The following MEI4 variants were observed in gnomAD, a reference collection of about 807,000 sequenced individuals.
The protein encoded by MEI4 is meiosis-specific protein MEI4.
In MEI4, 27 loss-of-function variants were observed where a neutral mutation model predicts 31.4. The ratio of observed to expected loss-of-function variants is 0.86; its 90% confidence interval spans 0.63 to 1.19. MEI4 has a LOEUF of 1.19. MEI4 is among the 50% of genes most tolerant of loss of function. The pLI is 0.00. For missense variants in MEI4, 329 were observed against 398.9 expected (o/e 0.82, Z 1.49); for synonymous variants, 122 against 145.4 (o/e 0.84, Z 1.16).
rs140789178 is a variant in MEI4, at chr6:77,797,973, C to T, written c.769-30958C>T. Among the ~76,000 whole-genome samples the T allele has an allele frequency of 3.3e-3, 509 of 152,182 alleles. 2 individuals carry two copies. The highest frequency in any genetic ancestry group is 0.012 in the African/African-American group (496 of 41,520). ...TAGTAAAGTAAGAGTCTCACACACACAAGCCTATGTATGTTCGAATGACTA... is the reference window on the plus strand; with the variant it reads ...TAGTAAAGTAAGAGTCTCACACACATAAGCCTATGTATGTTCGAATGACTA... On this transcript the variant is annotated intron_variant, in intron 3 of 4. Transcript: ENST00000684080.
chr6:77,712,687 G>T (rs1252118912), intron 2 of MEI4, among the ~76,000 whole-genome samples: 1 of 152,088 alleles, frequency 6.6e-6, no homozygotes, highest in Non-Finnish European at 1.5e-5. Flanking sequence ...AACAACAAAA[G>T]GAGGCCGGGT....
chr6:77,788,939 T>C (rs1294822190), intron 3 of MEI4, among the ~76,000 whole-genome samples: 2 of 152,140 alleles, frequency 1.3e-5, no homozygotes, highest in Non-Finnish European at 2.9e-5. Flanking sequence ...AGAGCCCCTA[T>C]TGCCAAGTAA....
chr6:77,780,822 T>A (rs911318107), intron 3 of MEI4, among the ~76,000 whole-genome samples: 2 of 152,126 alleles, frequency 1.3e-5, no homozygotes, highest in African/African-American at 2.4e-5. Context: ...TCTCTTCTGT[T>A]AAAAGTGTAT....
At chr6:77,901,051 T>C (rs946265899) in intron 4 of MEI4, among the ~76,000 whole-genome samples, 5 of 151,988 alleles carry the variant, frequency 3.3e-5, no homozygotes, top group Non-Finnish European at 7.4e-5. Flanking sequence ...TTTCTTTTCT[T>C]TTTTAAGGCT....
At chr6:77,748,666 A>G (rs1302653125) in intron 2 of MEI4, among the ~76,000 whole-genome samples, 1 of 152,148 alleles carries the variant, frequency 6.6e-6, no homozygotes, top group Non-Finnish European at 1.5e-5. Context: ...ATTTATGTAA[A>G]TTTCTGCAGC....
chr6:77,683,807 A>G (rs1477759976), intron 1 of MEI4, among the ~76,000 whole-genome samples: 1 of 152,166 alleles, frequency 6.6e-6, no homozygotes, highest in Non-Finnish European at 1.5e-5. Flanking sequence ...GGTTGATTTC[A>G]TATCTTTTCT....
chr6:77,777,167 A>G (rs1321766984), intron 3 of MEI4, among the ~76,000 whole-genome samples: 1 of 152,180 alleles, frequency 6.6e-6, no homozygotes, highest in Non-Finnish European at 1.5e-5. Flanking sequence ...ACATATGGAG[A>G]ACATGAGACT....
In MEI4 at chr6:77,882,490, G is replaced by C. The variant is rs555704275; in HGVS notation, c.901-40599G>C. 4.6e-5 allele frequency among the ~76,000 whole-genome samples: 7 copies of C among 152,298 alleles called. No homozygotes were observed. In the South Asian group the frequency reaches 1.0e-3, roughly 23 times the overall value. The stretch of plus-strand genomic sequence containing the variant: ...GCCCAGAAAGTTTAATGTTGGAGTT[G>C]CATGGTTTTTTTCTATCTTACCCTT... On this transcript the variant is annotated intron_variant, in intron 4 of 4. Coordinates refer to ENST00000684080, the MANE Select transcript of MEI4 (RefSeq NM_001322247.2).
At chr6:77,698,571 T>C (rs1411676919) in intron 2 of MEI4, among the ~76,000 whole-genome samples, 2 of 152,190 alleles carry the variant, frequency 1.3e-5, no homozygotes, top group African/African-American at 2.4e-5. Context: ...AAAATTCTTT[T>C]CTTTAAGAAT....
chr6:77,856,175 G>A (rs569328560), intron 4 of MEI4, among the ~76,000 whole-genome samples: 11 of 152,268 alleles, frequency 7.2e-5, no homozygotes, highest in Middle Eastern at 3.4e-3. Flanking sequence ...TTTGCACAGT[G>A]AACAAGCTCT....
intron 4 of MEI4, among the ~76,000 whole-genome samples, chr6:77,916,523 G>C (rs1189260358): frequency 6.6e-6 from 1 of 151,974 alleles, no homozygotes; most frequent in African/African-American, 2.4e-5. Context: ...GTCTTCTTAT[G>C]ATTTCCTCAG....
chr6:77,741,086 C>G (rs1328165351), intron 2 of MEI4, among the ~76,000 whole-genome samples: 1 of 152,058 alleles, frequency 6.6e-6, no homozygotes, highest in Non-Finnish European at 1.5e-5. Flanking sequence ...TTTGAAGAAT[C>G]AGTACACATC....
intron 1 of MEI4, among the ~76,000 whole-genome samples, chr6:77,658,281 A>T (rs539415968): frequency 5.6e-4 from 86 of 152,272 alleles, no homozygotes; most frequent in Non-Finnish European, 1.1e-3. Flanking sequence ...GAGATTACAA[A>T]GTACATTGAT....
intron 3 of MEI4, among the ~76,000 whole-genome samples, chr6:77,802,549 A>T (rs532759346): frequency 6.6e-6 from 1 of 152,096 alleles, no homozygotes; most frequent in Non-Finnish European, 1.5e-5. Flanking sequence ...TTAGTTGATG[A>T]AGTTTCTTCC....
rs1766655845 is a variant in MEI4, at chr6:77,719,141, T to A, written c.232+28238T>A. Among the ~76,000 whole-genome samples, 2 of 142,444 alleles carry A rather than the reference T, an allele frequency of 1.4e-5. 1 individual carries two copies. 93.4% of individuals were successfully genotyped at this position (142,444 alleles called of 152,430 possible). A position where few individuals can be genotyped will look rare whatever the true frequency, so the allele number is the denominator to read the frequency against. On this transcript the variant is annotated intron_variant, in intron 2 of 4. Transcript: ENST00000684080. ...CGACTGAGTTTGTCCTGAGCAATTG[T>A]GGTAGAATTGACCTTGAGGTGTCCA...
chr6:77,708,414 C>G (rs1163406707), intron 2 of MEI4, among the ~76,000 whole-genome samples: 1 of 152,174 alleles, frequency 6.6e-6, no homozygotes, highest in Non-Finnish European at 1.5e-5. Flanking sequence ...ATTTTACAGG[C>G]TCATAGGTAG....
At chr6:77,736,101 G>T (rs189472318) in intron 2 of MEI4, among the ~76,000 whole-genome samples, 43 of 152,190 alleles carry the variant, frequency 2.8e-4, no homozygotes, top group African/African-American at 9.6e-4. Context: ...TCTGTGCCCT[G>T]CCCCCAGAGG....
At position 77,843,826 on chromosome 6, in the gene MEI4, T is replaced by C. The variant is rs1237696076; in HGVS notation, c.900+14764T>C. Among the ~76,000 whole-genome samples the C allele has an allele frequency of 2.6e-5, 4 of 152,130 alleles. No homozygotes were observed. In the South Asian group the frequency reaches 8.3e-4, roughly 31 times the overall value. On this transcript the variant is annotated intron_variant, in intron 4 of 4. Transcript: ENST00000684080. ...AATAATCATTAATTTACTCATGATA[T>C]GATCATGACATAATCATAGACATTA... is the stretch of plus-strand genomic sequence containing the variant.
intron 4 of MEI4, among the ~76,000 whole-genome samples, chr6:77,874,216 A>G (rs539715115): frequency 5.4e-4 from 83 of 152,294 alleles, no homozygotes; most frequent in African/African-American, 1.9e-3. Context: ...TTTTCACAAT[A>G]TTGATTCTTC....
Sources: gnomAD v4.1 joint callset for allele counts (sites outside exome capture counted in the v4.1 genomes callset) on GRCh38, gnomAD v4.1.1 for gene constraint, MANE v1.5 for transcripts, NCBI Gene and HGNC (gene_info 2026-07-23, HGNC 2026-07-21) for gene names.